SNX27: variants seen among roughly 807,000 people sequenced by gnomAD.
The protein encoded by SNX27 is sorting nexin-27.
In SNX27, 22 loss-of-function variants were observed where a neutral mutation model predicts 71.6. The ratio of observed to expected loss-of-function variants is 0.31; its 90% CI spans 0.22 to 0.44. The LOEUF is 0.44. Among genes scored for constraint, SNX27 ranks in the 20% least tolerant of loss-of-function variants. SNX27 has a pLI of 1.00. For missense variants in SNX27, 531 were observed against 698.6 expected, an observed-to-expected ratio of 0.76 and a Z score of 2.70; for synonymous variants, 269 against 277.2, an observed-to-expected ratio of 0.97 and a Z score of 0.29.
intron 7 of SNX27, among the ~76,000 whole-genome samples, chr1:151,674,200 T>C (rs945567305): frequency 2.0e-5 from 3 of 151,870 alleles, no homozygotes; most frequent in Admixed American, 2.0e-4. Flanking sequence ...TTATTTTTTG[T>C]GTATTTGTTG....
At chr1:151,689,851 T>C (rs1671357239) in intron 8 of SNX27, among the ~76,000 whole-genome samples, 4 of 67,672 alleles carry the variant, frequency 5.9e-5, no homozygotes, top group African/African-American at 2.0e-4. Context: ...CTATATATAC[T>C]TTTTTTTTTT....
intron 8 of SNX27, among the ~76,000 whole-genome samples, chr1:151,691,578 C>G (rs1402774077): frequency 6.7e-6 from 1 of 148,428 alleles, no homozygotes; most frequent in African/African-American, 2.5e-5. Context: ...TCAAGCGATT[C>G]TCCTGCCTCA....
At chr1:151,693,078 GT>G (rs757546210) in intron 10 of SNX27, 39 bp downstream of exon 10, 2 of 1,585,630 alleles carry the variant, frequency 1.3e-6, no homozygotes, top group South Asian at 1.2e-5. Context: ...GACTTAGTTT[GT>G]TTTTTTGTTT....
At chr1:151,652,369 C>G (rs1669450003) in intron 2 of SNX27, among the ~76,000 whole-genome samples, 2 of 149,030 alleles carry the variant, frequency 1.3e-5, no homozygotes, top group Admixed American at 1.3e-4. Context: ...GCTGATGAGA[C>G]TGTTAGAGGA....
At chr1:151,694,225 A>C in intron 11 of SNX27, 145 bp from the exon 12 acceptor site, 2 of 1,432,708 alleles carry the variant, frequency 1.4e-6, no homozygotes, top group Non-Finnish European at 1.8e-6. Flanking sequence ...AAAGGCTATG[A>C]TTCTAGATGA....
At chr1:151,623,330 C>T (rs1304125661) in intron 1 of SNX27, among the ~76,000 whole-genome samples, 4 of 152,034 alleles carry the variant, frequency 2.6e-5, no homozygotes, top group Non-Finnish European at 5.9e-5. Flanking sequence ...TTAGTAGAGA[C>T]GGGGTTTCAC....
chr1:151,652,196 G>A (rs931204942), intron 2 of SNX27, among the ~76,000 whole-genome samples: 1 of 136,212 alleles, frequency 7.3e-6, no homozygotes, highest in Non-Finnish European at 1.6e-5. Context: ...AGAGGGAGAG[G>A]GAGACCGTGG....
chr1:151,616,627 G>C (rs1667438057), intron 1 of SNX27, among the ~76,000 whole-genome samples: 1 of 152,198 alleles, frequency 6.6e-6, no homozygotes. Flanking sequence ...TATGAGTTAA[G>C]TGTGAGTCAT....
intron 2 of SNX27, among the ~76,000 whole-genome samples, chr1:151,649,270 A>T (rs1386377317): frequency 5.3e-5 from 8 of 151,910 alleles, no homozygotes; most frequent in Non-Finnish European, 2.9e-5. Flanking sequence ...GATTTTTTAA[A>T]TTTTTATTTA....
intron 6 of SNX27, chr1:151,666,821 A>G (rs1178979050): frequency 6.6e-6 from 1 of 152,202 alleles, no homozygotes; most frequent in Admixed American, 6.6e-5. Context: ...CCCAACTCAC[A>G]GCAGTGTAAC....
intron 7 of SNX27, among the ~76,000 whole-genome samples, chr1:151,680,902 G>C (rs1670915555): frequency 6.6e-6 from 1 of 152,130 alleles, no homozygotes; most frequent in South Asian, 2.1e-4. Context: ...TTGCATCGTG[G>C]TTCTTCTTGA....
At chr1:151,667,378 A>G (rs962562057) in intron 6 of SNX27, 1 of 152,310 alleles carries the variant, frequency 6.6e-6, no homozygotes, top group African/African-American at 2.4e-5. Context: ...AACATTACTC[A>G]GAAGACAGTT....
Position 151,698,579 on chromosome 1 carries a change from C to T in SNX27, c.*4162C>T, listed in dbSNP as rs1336041628. 6.6e-6 allele frequency: 1 copy of T among 152,288 alleles called. No homozygotes were observed. The highest frequency in any genetic ancestry group is 1.5e-5 in the Non-Finnish European group (1 of 68,088). The allele number at this position is 152,288 out of a possible 1,614,324, so 9.4% of individuals were successfully genotyped here. A position where few individuals can be genotyped will look rare whatever the true frequency, so the allele number is the denominator to read the frequency against. On this transcript the variant is annotated 3_prime_UTR_variant, in exon 12 of 12. Transcript: ENST00000458013. Reference sequence around the variant, plus strand: ...AGATAGTGGGTATGCTTCTCTAGCTCCCCATCTTCCAGGTCCACCTCTTGA... The same window carrying T: ...AGATAGTGGGTATGCTTCTCTAGCTTCCCATCTTCCAGGTCCACCTCTTGA...
At chr1:151,630,966 A>T (rs1473542308) in intron 1 of SNX27, among the ~76,000 whole-genome samples, 1 of 152,204 alleles carries the variant, frequency 6.6e-6, no homozygotes, top group Non-Finnish European at 1.5e-5. Context: ...CGGGAGGCGG[A>T]GCTGGCAGTG....
chr1:151,690,573 C>G (rs1671390826), intron 8 of SNX27, among the ~76,000 whole-genome samples: 1 of 151,966 alleles, frequency 6.6e-6, no homozygotes, highest in Non-Finnish European at 1.5e-5. Context: ...ACCTCACCCT[C>G]CCAAGTAGCT....
At chr1:151,629,536 C>CGT (rs1668115440) in intron 1 of SNX27, 1 of 146,940 alleles carries the variant, frequency 6.8e-6, no homozygotes, top group Non-Finnish European at 1.5e-5. Flanking sequence ...TACATGTATA[C>CGT]GTATATATAT....
At chr1:151,694,110 C>G (rs1297333472) in intron 11 of SNX27, 20 of 1,255,004 alleles carry the variant, frequency 1.6e-5, no homozygotes, top group Non-Finnish European at 1.9e-5. Context: ...TTTTTTCCCT[C>G]TGTGTAATTT....
At chr1:151,678,834 C>T (rs887620892) in intron 7 of SNX27, 1 of 152,118 alleles carries the variant, frequency 6.6e-6, no homozygotes, top group Non-Finnish European at 1.5e-5. Flanking sequence ...ATGCCTCAGC[C>T]TTTTTGAAGT....
intron 1 of SNX27, among the ~76,000 whole-genome samples, chr1:151,637,369 A>G (rs1026098714): frequency 6.6e-6 from 1 of 151,346 alleles, no homozygotes; most frequent in Non-Finnish European, 1.5e-5. Flanking sequence ...TAGTAGAGAC[A>G]GGGTTTCACC....
Sources: allele counts gnomAD v4.1 joint callset (sites outside exome capture counted in the v4.1 genomes callset), GRCh38; gene constraint gnomAD v4.1.1; transcripts MANE v1.5; gene names NCBI Gene and HGNC (gene_info 2026-07-23, HGNC 2026-07-21).